ZSWIM9: variants seen among roughly 807,000 people sequenced by gnomAD.
ZSWIM9 encodes uncharacterized protein ZSWIM9.
A neutral mutation model predicts 25.0 loss-of-function variants in ZSWIM9; 11 were observed. That is an observed-to-expected ratio of 0.44 (90% confidence interval 0.28 to 0.73). The LOEUF is 0.73. Ranked by LOEUF, ZSWIM9 falls within the 30% of genes least tolerant of loss-of-function variation. The pLI is 0.16. For missense variants in ZSWIM9, 1,070 were observed against 1,296.5 expected (o/e 0.83, Z 2.68); for synonymous variants, 562 against 582.1 (o/e 0.97, Z 0.50).
At chr19:48,184,021 G>A (rs994091102) in intron 3 of ZSWIM9, among the ~76,000 whole-genome samples, 4 of 151,462 alleles carry the variant, frequency 2.6e-5, no homozygotes, top group African/African-American at 9.7e-5. Context: ...TTTGATGAAT[G>A]TTCTCAAGGG....
Position 48,195,892 on chromosome 19 carries a change from AG to A in ZSWIM9, c.1833del (p.Thr612ProfsTer29). Reference protein sequence around the residue: ...LEDRRSTTDLRGTQFDYERVR... With the variant: ...LEDRRSTTDLXGTQFDYERVR... ...AGATCGCAGGAGTACCACCGACCTG[AG>A]GGGGACCCAGTTTGACTATGAGAGG... On this transcript the variant is annotated frameshift_variant, in exon 4 of 4. Coordinates refer to ENST00000614654, the MANE Select transcript of ZSWIM9 (RefSeq NM_199341.4). LOFTEE classifies it low-confidence loss of function (END_TRUNC). This position sits in a 1 kb window ranked among gnomAD's most constrained non-coding sequence, Gnocchi z 5.8. 3 of 1,392,062 alleles carry A rather than the reference AG, an allele frequency of 2.2e-6. No homozygotes were observed. Among genetic ancestry groups the A allele is most frequent in the Non-Finnish European group, 2.8e-6 (3 of 1,077,768 alleles). 86.2% of individuals were successfully genotyped at this position (1,392,062 alleles called of 1,614,324 possible). A position where few individuals can be genotyped will look rare whatever the true frequency, so the allele number is the denominator to read the frequency against.
chr19:48,187,435 T>A (rs1390742047), intron 3 of ZSWIM9, among the ~76,000 whole-genome samples: 2 of 92,598 alleles, frequency 2.2e-5, no homozygotes, highest in African/African-American at 7.9e-5. Flanking sequence ...TATATTATAT[T>A]ATATATATTA....
At position 48,182,360 on chromosome 19, in the gene ZSWIM9, A is replaced by G. The variant is rs370420934; in HGVS notation, c.276-95A>G. ...CCCTCTACTCTTCTCTATGCCTGAA[A>G]CAATTCTTAGTTTAAAAAAAAAAAA... is the stretch of plus-strand genomic sequence containing the variant. On this transcript the variant is annotated intron_variant, in intron 2 of 3. Coordinates refer to ENST00000614654, the MANE Select transcript of ZSWIM9 (RefSeq NM_199341.4). The surrounding 1 kb of genome is among the most constrained non-coding windows in gnomAD (Gnocchi z 4.6). 1.3e-5 allele frequency: 14 copies of G among 1,082,530 alleles called. No homozygotes were observed. Among genetic ancestry groups the G allele is most frequent in the African/African-American group, 3.4e-5 (2 of 58,758 alleles). The allele number at this position is 1,082,530 out of a possible 1,614,324, so 67.1% of individuals were successfully genotyped here. A position where few individuals can be genotyped will look rare whatever the true frequency, so the allele number is the denominator to read the frequency against.
intron 2 of ZSWIM9, among the ~76,000 whole-genome samples, chr19:48,176,479 A>C (rs984931525): frequency 1.3e-5 from 2 of 152,144 alleles, no homozygotes; most frequent in African/African-American, 4.8e-5. Flanking sequence ...TAAGAGGGAA[A>C]ACCAGGGTCT....
intron 3 of ZSWIM9, chr19:48,183,153 C>G (rs568059879): frequency 6.0e-6 from 1 of 165,712 alleles, no homozygotes; most frequent in African/African-American, 2.4e-5. Flanking sequence ...GTCACCCAGG[C>G]TGGAGTGCTC....
intron 2 of ZSWIM9, chr19:48,174,742 CACCCAGAA>C (rs2036875418): frequency 2.6e-5 from 4 of 152,322 alleles, no homozygotes; most frequent in Admixed American, 2.6e-4. Flanking sequence ...ACACACACAT[CACCCAGAA>C]ACCTAGAACG....
intron 3 of ZSWIM9, among the ~76,000 whole-genome samples, chr19:48,192,466 A>ATGTATGTATAT (rs1480286362): frequency 4.4e-5 from 1 of 22,810 alleles, no homozygotes; most frequent in Non-Finnish European, 1.0e-4. Flanking sequence ...AAAAAAAAAA[A>ATGTATGTATAT]AAAAAAAAAA....
rs1490972382 is a variant in ZSWIM9, at chr19:48,197,085, AG to A, written c.*259del. On this transcript the variant is annotated 3_prime_UTR_variant, in exon 4 of 4. Coordinates refer to ENST00000614654, the MANE Select transcript of ZSWIM9 (RefSeq NM_199341.4). ...TCTGAGGGCTTCCCTCTGGAGAGGA[AG>A]CATGTGATGAGAGGTGTAGACAGGG... The A allele has an allele frequency of 7.0e-6, 4 of 574,140 alleles. No individual in the cohort carries two copies. The African/African-American group carries it at 7.5e-5, about 11-fold the overall frequency. 35.6% of individuals were successfully genotyped at this position (574,140 alleles called of 1,614,324 possible). A position where few individuals can be genotyped will look rare whatever the true frequency, so the allele number is the denominator to read the frequency against.
chr19:48,187,744 C>T (rs1373223750), intron 3 of ZSWIM9: 1 of 144,310 alleles, frequency 6.9e-6, no homozygotes, highest in East Asian at 2.0e-4. Flanking sequence ...TCAAGACCAG[C>T]CTGGCCAACA....
At position 48,182,877 on chromosome 19, in the gene ZSWIM9, T is replaced by C; in HGVS notation, c.588+110T>C. The C allele has an allele frequency of 1.3e-6, 1 of 787,670 alleles. No homozygotes were observed. Among genetic ancestry groups the C allele is most frequent in the East Asian group, 2.7e-5 (1 of 37,054 alleles). The allele number at this position is 787,670 out of a possible 1,614,324, so 48.8% of individuals were successfully genotyped here. ...CCCTCTCATCCCTTCACTCCTTTCCTCCATTCATCCGTTCATTCATTCAAT... is the reference window on the plus strand; with the variant it reads ...CCCTCTCATCCCTTCACTCCTTTCCCCCATTCATCCGTTCATTCATTCAAT... On this transcript the variant is annotated intron_variant, in intron 3 of 3. Coordinates refer to ENST00000614654, the MANE Select transcript of ZSWIM9 (RefSeq NM_199341.4). This position sits in a 1 kb window ranked among gnomAD's most constrained non-coding sequence, Gnocchi z 4.6.
At chr19:48,187,560 T>TATATTATATA (rs1418989829) in intron 3 of ZSWIM9, 1 of 22,248 alleles carries the variant, frequency 4.5e-5, no homozygotes, top group Non-Finnish European at 1.1e-4. Flanking sequence ...ATATATATTA[T>TATATTATATA]ATATAATATT....
In ZSWIM9 at chr19:48,182,494, G is replaced by T; in HGVS notation, c.315G>T (p.Lys105Asn). 6.5e-7 allele frequency: 1 copy of T among 1,535,576 alleles called. No homozygotes were observed. Among genetic ancestry groups the T allele is most frequent in the Non-Finnish European group, 8.7e-7 (1 of 1,146,608 alleles). ...QPGCPAFIIV[K>N]LSPLRDRLVV... Reference sequence around the variant, plus strand: ...GCTGCCCCGCCTTCATCATCGTCAAGCTGAGCCCGCTGCGGGACCGCCTCG... The same window carrying T: ...GCTGCCCCGCCTTCATCATCGTCAATCTGAGCCCGCTGCGGGACCGCCTCG... The change falls in exon 3 of 4, where the codon AAG becomes AAT. Residue 105 changes from lysine to asparagine, a missense_variant. Coordinates refer to ENST00000614654, the MANE Select transcript of ZSWIM9 (RefSeq NM_199341.4). This position sits in a 1 kb window ranked among gnomAD's most constrained non-coding sequence, Gnocchi z 4.6.
rs113139170 is a variant in ZSWIM9 at position 48,173,361 on chromosome 19, C to T, written c.275+1284C>T. 1.2e-4 allele frequency among the ~76,000 whole-genome samples: 19 copies of T among 152,280 alleles called. 2 individuals carry two copies. Among genetic ancestry groups the T allele is most frequent in the African/African-American group, 4.6e-4 (19 of 41,564 alleles). On this transcript the variant is annotated intron_variant, in intron 2 of 3. Transcript: ENST00000614654. ...TTGCCCAGGCTGGAGAGCAGTAGTG[C>T]GATCTTGGCTCCCTGCAACCTCCAA...
At position 48,195,228 on chromosome 19, in the gene ZSWIM9, G is replaced by C; in HGVS notation, c.1164G>C (p.Trp388Cys). The change falls in exon 4 of 4, where the codon TGG becomes TGC. Residue 388 changes from tryptophan (W) to cysteine (C), a missense_variant. Coordinates refer to ENST00000614654, the MANE Select transcript of ZSWIM9 (RefSeq NM_199341.4). The surrounding 1 kb of genome is among the most constrained non-coding windows in gnomAD (Gnocchi z 5.8). ...ACTGGGAGCCCCGCCGCGACATGTG[G>C]GTCCGCTTCCGCGCCTTCGAGGCGG... Reference protein sequence around the residue: ...ERNWEPRRDMWVRFRAFEAAR... With the variant: ...ERNWEPRRDMCVRFRAFEAAR... 6.5e-7 allele frequency: 1 copy of C among 1,528,678 alleles called. No homozygotes were observed. The highest frequency in any genetic ancestry group is 1.2e-5 in the South Asian group (1 of 83,958). The allele number at this position is 1,528,678 out of a possible 1,614,324, so 94.7% of individuals were successfully genotyped here.
intron 2 of ZSWIM9, among the ~76,000 whole-genome samples, chr19:48,176,760 G>C (rs1387708296): frequency 6.6e-6 from 1 of 152,028 alleles, no homozygotes; most frequent in South Asian, 2.1e-4. Flanking sequence ...GTACATTACA[G>C]ATGGACATAA....
At chr19:48,184,125 G>A (rs1437555587) in intron 3 of ZSWIM9, among the ~76,000 whole-genome samples, 1 of 151,918 alleles carries the variant, frequency 6.6e-6, no homozygotes, top group Non-Finnish European at 1.5e-5. Flanking sequence ...TTATCATCAA[G>A]GAGAAAAAGG....
Position 48,197,089 on chromosome 19 carries a change from T to G in ZSWIM9, c.*262T>G. 3.5e-6 allele frequency: 2 copies of G among 565,440 alleles called. No homozygotes were observed. Among genetic ancestry groups the G allele is most frequent in the Non-Finnish European group, 3.1e-6 (1 of 318,810 alleles). 35.0% of individuals were successfully genotyped at this position (565,440 alleles called of 1,614,324 possible). A position where few individuals can be genotyped will look rare whatever the true frequency, so the allele number is the denominator to read the frequency against. ...AGGGCTTCCCTCTGGAGAGGAAGCA[T>G]GTGATGAGAGGTGTAGACAGGGTCA... On this transcript the variant is annotated 3_prime_UTR_variant, in exon 4 of 4. Transcript: ENST00000614654.
intron 1 of ZSWIM9, chr19:48,171,076 C>T (rs1465886733): frequency 4.2e-6 from 1 of 235,320 alleles, no homozygotes. Context: ...AAGTGGGGCA[C>T]ACACCTGTAG....
In ZSWIM9 at chr19:48,195,234, C is replaced by G. The variant is rs1357865036; in HGVS notation, c.1170C>G (p.Arg390=). The part of the protein sequence containing the change: ...NWEPRRDMWV[R]FRAFEAARDL... ...AGCCCCGCCGCGACATGTGGGTCCG[C>G]TTCCGCGCCTTCGAGGCGGCCAGAG... The change falls in exon 4 of 4, where the codon CGC becomes CGG. Residue 390 remains arginine (R), a synonymous_variant. Coordinates refer to ENST00000614654, the MANE Select transcript of ZSWIM9 (RefSeq NM_199341.4). This position sits in a 1 kb window ranked among gnomAD's most constrained non-coding sequence, Gnocchi z 5.8. 2 of 1,528,984 alleles carry G rather than the reference C, an allele frequency of 1.3e-6. No individual in the cohort carries two copies. The highest frequency in any genetic ancestry group is 2.4e-5 in the South Asian group (2 of 83,958). The allele number at this position is 1,528,984 out of a possible 1,614,324, so 94.7% of individuals were successfully genotyped here.
Sources: allele counts gnomAD v4.1 joint callset (sites outside exome capture counted in the v4.1 genomes callset), GRCh38; gene constraint gnomAD v4.1.1; non-coding constraint Gnocchi (gnomAD v3.1); transcripts MANE v1.5; gene names NCBI Gene and HGNC (gene_info 2026-07-23, HGNC 2026-07-21).